SYTL2: variants seen among roughly 807,000 people sequenced by gnomAD.
SYTL2 encodes the protein synaptotagmin like 2.
In SYTL2, 165 loss-of-function variants were observed where a neutral mutation model predicts 198.7. The ratio of observed to expected loss-of-function variants is 0.83; its 90% confidence interval spans 0.73 to 0.94. The LOEUF is 0.94. SYTL2 is among the 40% of genes least tolerant of loss of function. The pLI, the probability that SYTL2 is intolerant of heterozygous loss-of-function variation, is 0.00. For synonymous variants in SYTL2, 966 were observed against 917.7 expected (o/e 1.05, Z -0.95); for missense variants, 2,835 against 2,582.8 (o/e 1.10, Z -2.12).
the SYTL2 span, among the ~76,000 whole-genome samples, chr11:85,825,906 T>C: frequency 6.6e-6 from 1 of 152,218 alleles, no homozygotes; most frequent in East Asian, 1.9e-4. Flanking sequence ...TATTATTTTG[T>C]TAGATTGTAA....
At chr11:85,814,282 T>G (rs1298940675), upstream of SYTL2, among the ~76,000 whole-genome samples, 1 of 152,202 alleles carries the variant, frequency 6.6e-6, no homozygotes, top group Non-Finnish European at 1.5e-5. Flanking sequence ...TCCTTCAACA[T>G]CTACCTTGGT....
At chr11:85,737,553 T>C in intron 5 of SYTL2, 22 bp downstream of exon 5, 1 of 1,595,610 alleles carries the variant, frequency 6.3e-7, no homozygotes. Context: ...TACAAGATTT[T>C]CAAAATCTGG....
At chr11:85,805,919 T>C (rs1032349763) in intron 1 of SYTL2, among the ~76,000 whole-genome samples, 3 of 152,218 alleles carry the variant, frequency 2.0e-5, no homozygotes, top group Admixed American at 6.5e-5. Flanking sequence ...GTTTAGAAAG[T>C]ATAAGATTAG....
intron 9 of SYTL2, 186 bp from the exon 10 acceptor site, chr11:85,719,029 G>A (rs1187871132): frequency 6.6e-7 from 1 of 1,523,244 alleles, no homozygotes; most frequent in Admixed American, 2.0e-5. Context: ...TGCCATAGCG[G>A]GAGCTCCCAT....
the SYTL2 span, among the ~76,000 whole-genome samples, chr11:85,850,102 G>A: frequency 4.1e-3 from 606 of 146,612 alleles, no homozygotes; most frequent in Admixed American, 7.9e-3. Context: ...TGTTGTTGGT[G>A]TATAAGAATG....
In SYTL2 at chr11:85,781,571, A is replaced by C. The variant is rs190294291; in HGVS notation, c.-389-23457T>G. On this transcript the variant is annotated intron_variant, in intron 1 of 19. Coordinates refer to ENST00000359152, the MANE Select transcript of SYTL2 (RefSeq NM_206927.4). ...CCCACAGTTCAAAGACTCATCTGAG[A>C]CAAACCAAGTCCCTTATACTTATGA... is the stretch of plus-strand genomic sequence containing the variant. Among the ~76,000 whole-genome samples, 66 of 152,306 alleles carry C rather than the reference A, an allele frequency of 4.3e-4. No individual in the cohort carries two copies. In the East Asian group the frequency reaches 0.013, roughly 29 times the overall value.
chr11:85,843,755 C>G, the SYTL2 span, among the ~76,000 whole-genome samples: 1 of 152,192 alleles, frequency 6.6e-6, no homozygotes, highest in Non-Finnish European at 1.5e-5. Flanking sequence ...TATTGAGAAC[C>G]TACTATGTGC....
upstream of SYTL2, among the ~76,000 whole-genome samples, chr11:85,815,990 C>T (rs1041980329): frequency 6.6e-6 from 1 of 151,912 alleles, no homozygotes; most frequent in Admixed American, 6.6e-5. Flanking sequence ...ATGGTAAAAC[C>T]CCATCTCTAC....
the SYTL2 span, chr11:85,852,963 G>A: frequency 6.4e-6 from 2 of 314,074 alleles, no homozygotes; most frequent in South Asian, 4.5e-5. Context: ...TCTGAGAAGT[G>A]AGGAGCCCCT....
chr11:85,747,525 G>T (rs2091237648), intron 3 of SYTL2, among the ~76,000 whole-genome samples: 1 of 152,086 alleles, frequency 6.6e-6, no homozygotes, highest in Admixed American at 6.6e-5. Context: ...TTTTTGGTTG[G>T]TTGGCATTTT....
the SYTL2 span, among the ~76,000 whole-genome samples, chr11:85,843,290 C>G: frequency 3.3e-5 from 5 of 152,100 alleles, no homozygotes; most frequent in African/African-American, 1.2e-4. Context: ...ATTACTCGAA[C>G]CTGGGAGGCA....
At chr11:85,741,349 T>C (rs2090771727) in intron 4 of SYTL2, among the ~76,000 whole-genome samples, 1 of 152,208 alleles carries the variant, frequency 6.6e-6, no homozygotes, top group Non-Finnish European at 1.5e-5. Context: ...CAGTATTTCT[T>C]TAAGTAAAAT....
In SYTL2 at chr11:85,726,226, T is replaced by A; in HGVS notation, c.3132A>T (p.Lys1044Asn). The stretch of plus-strand genomic sequence containing the variant: ...TCTCCATTTCCTCTCTTGCCATAAC[T>A]TTTTTTGGGCTTAGAAGCACCTCTG... The part of the protein sequence containing the change: ...HEAEVLLSPK[K>N]VMAREEMEKL... The change falls in exon 8 of 20, where the codon AAA becomes AAT. Residue 1044 changes from lysine to asparagine, a missense_variant. This residue lies in a region of SYTL2 where 2,645 missense variants were observed against 2,381.7 expected (regional missense o/e 1.11). Coordinates refer to ENST00000359152, the MANE Select transcript of SYTL2 (RefSeq NM_206927.4). 1.2e-6 allele frequency: 2 copies of A among 1,612,184 alleles called. No homozygotes were observed. Among genetic ancestry groups the A allele is most frequent in the Non-Finnish European group, 1.7e-6 (2 of 1,179,354 alleles).
chr11:85,816,780 G>A, the SYTL2 span, among the ~76,000 whole-genome samples: 1 of 152,060 alleles, frequency 6.6e-6, no homozygotes, highest in Non-Finnish European at 1.5e-5. Context: ...TGGACGTGGT[G>A]GCACATGCCT....
At chr11:85,772,495 C>T (rs1441064411) in intron 1 of SYTL2, among the ~76,000 whole-genome samples, 1 of 152,184 alleles carries the variant, frequency 6.6e-6, no homozygotes, top group African/African-American at 2.4e-5. Flanking sequence ...TCAGTCAGCA[C>T]CAACTCTGCC....
chr11:85,853,160 G>A, the SYTL2 span: 33 of 342,552 alleles, frequency 9.6e-5, 2 homozygotes, highest in South Asian at 2.9e-4. Flanking sequence ...TCTGGGAGGC[G>A]TACCCAACAG....
At chr11:85,714,236 G>C (rs540023265) in intron 12 of SYTL2, among the ~76,000 whole-genome samples, 177 bp downstream of exon 12, 100 of 152,356 alleles carry the variant, frequency 6.6e-4, no homozygotes, top group African/African-American at 2.3e-3. Flanking sequence ...AGTCAAATGA[G>C]ATGTGCCTTT....
chr11:85,810,114 G>A (rs1354050656), intron 1 of SYTL2, among the ~76,000 whole-genome samples: 1 of 152,192 alleles, frequency 6.6e-6, no homozygotes, highest in African/African-American at 2.4e-5. Flanking sequence ...GCACATCCCT[G>A]CCGGGCTGTG....
At chr11:85,734,805 T>C (rs2090176378) in intron 6 of SYTL2, 63 bp from the exon 7 acceptor site, 29 of 1,216,400 alleles carry the variant, frequency 2.4e-5, no homozygotes, top group Non-Finnish European at 3.3e-5. Context: ...TTAAAATACC[T>C]GTCATAAACT....
Sources: allele counts gnomAD v4.1 joint callset (sites outside exome capture counted in the v4.1 genomes callset), GRCh38; gene constraint gnomAD v4.1.1; regional missense constraint gnomAD v4.1.1; transcripts MANE v1.5; gene names NCBI Gene and HGNC (gene_info 2026-07-23, HGNC 2026-07-21).